COL16A1: variants seen among roughly 807,000 people sequenced by gnomAD.
The protein encoded by COL16A1 is collagen type XVI alpha 1 chain, also known as collagen alpha-1(XVI) chain.
Under a neutral mutation model 266.3 loss-of-function variants are expected in COL16A1, and 189 were observed. The observed-to-expected ratio is 0.71, with a 90% confidence interval of 0.63 to 0.80. The LOEUF (loss-of-function observed/expected upper bound fraction) is 0.80, where lower values mean the gene tolerates loss of function less well. Ranked by LOEUF, COL16A1 falls within the 30% of genes least tolerant of loss-of-function variation. The pLI is 0.00. For synonymous variants in COL16A1, 740 were observed against 782.3 expected (o/e 0.95, Z 0.90); for missense variants, 1,928 against 2,122.4 (o/e 0.91, Z 1.80).
chr1:31,669,750 G>A (rs1320287153), intron 49 of COL16A1: 1 of 152,258 alleles, frequency 6.6e-6, no homozygotes, highest in African/African-American at 2.4e-5. Flanking sequence ...TGACAAACAG[G>A]AGGTTAGTTT....
At position 31,684,562 on chromosome 1, in the gene COL16A1, C is replaced by G; in HGVS notation, c.2121G>C (p.Glu707Asp). 6.2e-7 allele frequency: 1 copy of G among 1,613,836 alleles called. No individual in the cohort carries two copies. Among genetic ancestry groups the G allele is most frequent in the Non-Finnish European group, 8.5e-7 (1 of 1,179,974 alleles). The change falls in exon 31 of 71, where the codon GAG becomes GAC. Residue 707 changes from glutamate to aspartate, a missense_variant. This residue lies in a region of COL16A1 where 1,552 missense variants were observed against 1,637.2 expected (regional missense o/e 0.95). Coordinates refer to ENST00000373672, the MANE Select transcript of COL16A1 (RefSeq NM_001856.4). ...GCCCCGCGGGGCCCTGAACTCCAGG[C>G]TCTCCTGACAGTCCTGGCCGCCCTG... ...GTTGRPGLSGEPGVQGPAGPK... is the reference protein window; with the variant it reads ...GTTGRPGLSGDPGVQGPAGPK...
intron 10 of COL16A1, 93 bp downstream of exon 10, chr1:31,695,668 C>T: frequency 1.1e-5 from 13 of 1,217,542 alleles, no homozygotes; most frequent in Non-Finnish European, 1.6e-5. Context: ...GTGTAGTCAG[C>T]CAGCACCCCT....
intron 31 of COL16A1, 21 bp from the exon 32 acceptor site, chr1:31,684,252 C>T (rs1390747127): frequency 2.1e-6 from 3 of 1,462,460 alleles, no homozygotes; most frequent in African/African-American, 1.4e-5. Flanking sequence ...ATGGGTACAG[C>T]CAGGAGCCCA....
chr1:31,658,975 A>T lies in COL16A1; in HGVS notation c.3880-11T>A, dbSNP rs1454192492. The T allele has an allele frequency of 1.9e-6, 3 of 1,552,862 alleles. No individual in the cohort carries two copies. The highest frequency in any genetic ancestry group is 2.6e-6 in the Non-Finnish European group (3 of 1,147,686). Reference sequence around the variant, plus strand: ...AGGCCCTGGTGGCCCCTAAAGAGAGATGAGTCAGTGGGATAGAAACAGGTT... The same window carrying T: ...AGGCCCTGGTGGCCCCTAAAGAGAGTTGAGTCAGTGGGATAGAAACAGGTT... On this transcript the variant is annotated splice_polypyrimidine_tract_variant and intron_variant, in intron 62 of 70. Coordinates refer to ENST00000373672, the MANE Select transcript of COL16A1 (RefSeq NM_001856.4).
intron 22 of COL16A1, 28 bp downstream of exon 22, chr1:31,690,339 G>A (rs758136489): frequency 1.6e-5 from 26 of 1,613,090 alleles, no homozygotes; most frequent in African/African-American, 1.1e-4. Flanking sequence ...TTCCCACCCC[G>A]ATCTGGGCAG....
intron 37 of COL16A1, among the ~76,000 whole-genome samples, chr1:31,681,822 C>T (rs1643663984): frequency 6.6e-6 from 1 of 152,218 alleles, no homozygotes; most frequent in African/African-American, 2.4e-5. Flanking sequence ...CCACATCTCT[C>T]CTTTTGCCTG....
In COL16A1 at chr1:31,697,956, C is replaced by A; in HGVS notation, c.607G>T (p.Val203Leu). The change falls in exon 6 of 71, where the codon GTG becomes TTG. Residue 203 changes from valine to leucine, a missense_variant. Physicochemically the swap from Val to Leu is conservative, Grantham distance 32. Coordinates refer to ENST00000373672, the MANE Select transcript of COL16A1 (RefSeq NM_001856.4). The surrounding 1 kb of genome is among the most constrained non-coding windows in gnomAD (Gnocchi z 4.2). ...PLGPRRPMRP[V>L]GHVFLGLDAE... is the part of the protein sequence containing the mutation. ...TCCAAGCCTAGAAATACATGGCCCA[C>A]AGGCCTCATGGGTCGTCGGGGCCCC... The A allele has an allele frequency of 6.2e-7, 1 of 1,613,304 alleles. No homozygotes were observed. The highest frequency in any genetic ancestry group is 8.5e-7 in the Non-Finnish European group (1 of 1,180,018).
At chr1:31,669,263 T>C (rs1282143327) in intron 49 of COL16A1, among the ~76,000 whole-genome samples, 3 of 152,026 alleles carry the variant, frequency 2.0e-5, no homozygotes, top group Non-Finnish European at 4.4e-5. Context: ...CCCAGATGGA[T>C]GCTGCCACCA....
Position 31,702,157 on chromosome 1 carries a change from C to G in COL16A1, c.37G>C (p.Gly13Arg). 10 of 1,614,154 alleles carry G rather than the reference C, an allele frequency of 6.2e-6. No individual in the cohort carries two copies. Among genetic ancestry groups the G allele is most frequent in the Non-Finnish European group, 8.5e-6 (10 of 1,180,012 alleles). ...VSWAPGLWLL[G>R]LWATFGHGAN... ...CCATGGCCGAAGGTAGCCCAAAGAC[C>G]GAGCAGCCACAGGCCAGGAGCCCAG... The change falls in exon 2 of 71, where the codon GGT (glycine) becomes CGT (arginine). Residue 13 changes from glycine (G) to arginine (R), a missense_variant. Around this residue, in one of 2 missense-constraint regions of COL16A1, gnomAD observed 1,552 missense variants for 1,637.2 expected, o/e 0.95. Coordinates refer to ENST00000373672, the MANE Select transcript of COL16A1 (RefSeq NM_001856.4).
chr1:31,680,222 C>A, intron 39 of COL16A1, 121 bp from the exon 40 acceptor site: 2 of 1,444,302 alleles, frequency 1.4e-6, no homozygotes, highest in Admixed American at 2.3e-5. Flanking sequence ...CAGGATCTGC[C>A]TCTTCTAATG....
At position 31,654,007 on chromosome 1, in the gene COL16A1, G is replaced by A. The variant is rs557727211; in HGVS notation, c.4394C>T (p.Pro1465Leu). The change falls in exon 69 of 71, where the codon CCC (proline) becomes CTC (leucine). Residue 1465 changes from proline (P) to leucine (L), a missense_variant. Pro to Leu is a moderately conservative substitution (Grantham distance 98). Transcript: ENST00000373672. ...MAYYTSRMQF[P>L]MEMAAAPGRP... is the part of the protein sequence containing the mutation. ...TCCCGGAGCTGCCGCCATCTCCATG[G>A]GGAACTGCATCCTGGAGGTGTAGTA... The A allele has an allele frequency of 1.2e-6, 2 of 1,614,100 alleles. No homozygotes were observed. Among genetic ancestry groups the A allele is most frequent in the South Asian group, 1.1e-5 (1 of 91,076 alleles).
At position 31,670,853 on chromosome 1, in the gene COL16A1, C is replaced by T. The variant is rs1470542237; in HGVS notation, c.3151-207G>A. Among the ~76,000 whole-genome samples the T allele has an allele frequency of 6.6e-6, 1 of 152,238 alleles. No homozygotes were observed. The highest frequency in any genetic ancestry group is 1.5e-5 in the Non-Finnish European group (1 of 68,044). On this transcript the variant is annotated intron_variant, in intron 48 of 70. Coordinates refer to ENST00000373672, the MANE Select transcript of COL16A1 (RefSeq NM_001856.4). This position sits in a 1 kb window ranked among gnomAD's most constrained non-coding sequence, Gnocchi z 4.5. ...CCAGGAAGAATGGCTCCTCCGTTGA[C>T]GGAGATGCGGAATGGCTCCAGAGTC...
intron 42 of COL16A1, 72 bp downstream of exon 42, chr1:31,679,560 T>C (rs1570475477): frequency 1.9e-6 from 3 of 1,613,830 alleles, no homozygotes; most frequent in Non-Finnish European, 2.5e-6. Flanking sequence ...ATCCTTGGGG[T>C]CCAGCCGGGA....
At chr1:31,661,518 T>C in intron 59 of COL16A1, 60 bp from the exon 60 acceptor site, 1 of 1,613,482 alleles carries the variant, frequency 6.2e-7, no homozygotes, top group Non-Finnish European at 8.5e-7. Flanking sequence ...CTCTTCCCAC[T>C]CCTCCTTCCT....
At position 31,654,822 on chromosome 1, in the gene COL16A1, T is replaced by C. The variant is rs200496074; in HGVS notation, c.4327A>G (p.Ile1443Val). 7,937 of 1,614,140 alleles carry C rather than the reference T, an allele frequency of 4.9e-3. 21 individuals carry two copies. The highest frequency in any genetic ancestry group is 6.1e-3 in the Non-Finnish European group (7,194 of 1,180,040). The change falls in exon 68 of 71, where the codon ATC becomes GTC. Residue 1443 changes from isoleucine to valine, a missense_variant. Ile to Val is a conservative substitution (Grantham distance 29). Transcript: ENST00000373672. ...MVNYDEIKRFIRQEIIKMFDE... is the reference protein window; with the variant it reads ...MVNYDEIKRFVRQEIIKMFDE... ...AACATTTTAATGATCTCTTGTCTGA[T>C]GAACCTCTTGATTTCATCATAATTC...
intron 33 of COL16A1, 91 bp from the exon 34 acceptor site, chr1:31,683,839 C>T: frequency 1.2e-6 from 2 of 1,605,790 alleles, no homozygotes; most frequent in Non-Finnish European, 1.7e-6. Context: ...CTTCTTCCTG[C>T]CCTGCACCCT....
chr1:31,673,266 G>A, intron 44 of COL16A1: 1 of 280,994 alleles, frequency 3.6e-6, no homozygotes, highest in Non-Finnish European at 7.1e-6. Context: ...GAGGAGCCAG[G>A]CCCTTCCCAG....
intron 59 of COL16A1, 54 bp downstream of exon 59, chr1:31,661,606 C>G: frequency 6.2e-7 from 1 of 1,612,586 alleles, no homozygotes; most frequent in African/African-American, 1.3e-5. Context: ...TGCAGCCACC[C>G]AGGCAGAAGC....
chr1:31,703,597 G>A (rs997455575), intron 1 of COL16A1, among the ~76,000 whole-genome samples: 1 of 152,196 alleles, frequency 6.6e-6, no homozygotes, highest in African/African-American at 2.4e-5. Context: ...TCCAGCCAGA[G>A]TGCAGGGCTG....
Sources: allele counts gnomAD v4.1 joint callset (sites outside exome capture counted in the v4.1 genomes callset), GRCh38; gene constraint gnomAD v4.1.1; regional missense constraint gnomAD v4.1.1; non-coding constraint Gnocchi (gnomAD v3.1); transcripts MANE v1.5; gene names NCBI Gene and HGNC (gene_info 2026-07-23, HGNC 2026-07-21).